The following SHISA6 variants were observed in gnomAD, a reference collection of about 807,000 sequenced individuals.
SHISA6 encodes the protein protein shisa-6.
Under a neutral mutation model 47.9 loss-of-function variants are expected in SHISA6, and 22 were observed. That is an observed-to-expected ratio of 0.46 (90% CI 0.33 to 0.66). SHISA6 has a LOEUF of 0.66. SHISA6 is among the 30% of genes least tolerant of loss of function. SHISA6 has a pLI of 0.02. For synonymous variants in SHISA6, 388 were observed against 337.8 expected (o/e 1.15, Z -1.63); for missense variants, 680 against 764.6 (o/e 0.89, Z 1.30).
rs193155378 is a variant in SHISA6 at position 11,447,095 on chromosome 17, G to T, written c.895+67586G>T. On this transcript the variant is annotated intron_variant, in intron 3 of 5. Transcript: ENST00000441885. ...TTCTTCCAAAGAAGACAGAACCATT[G>T]CTTTTGCCTCAATAACAATGAGCTA... Among the ~76,000 whole-genome samples the T allele has an allele frequency of 2.6e-4, 39 of 152,186 alleles. No individual in the cohort carries two copies. The East Asian group carries it at 7.1e-3, about 28-fold the overall frequency.
At chr17:11,545,625 C>T (rs1391848228) in intron 3 of SHISA6, among the ~76,000 whole-genome samples, 1 of 152,144 alleles carries the variant, frequency 6.6e-6, no homozygotes, top group Admixed American at 6.5e-5. Context: ...ACAATAAAGA[C>T]AACATTTAGC....
chr17:11,457,575 CA>C (rs56253032), intron 3 of SHISA6, among the ~76,000 whole-genome samples: 13,977 of 137,178 alleles, frequency 0.1, 911 homozygotes, highest in African/African-American at 0.19. Flanking sequence ...ACTAAAAATG[CA>C]AAAAAAAAAA....
chr17:11,413,440 G>A (rs1206558529), intron 3 of SHISA6, among the ~76,000 whole-genome samples: 2 of 152,198 alleles, frequency 1.3e-5, no homozygotes, highest in Non-Finnish European at 2.9e-5. Context: ...CCAGAACAGA[G>A]GGAGGACAAT....
chr17:11,328,523 G>A (rs1567574335), intron 2 of SHISA6, among the ~76,000 whole-genome samples: 1 of 152,178 alleles, frequency 6.6e-6, no homozygotes, highest in Non-Finnish European at 1.5e-5. Flanking sequence ...AGAATTAACT[G>A]AGTTAATACA....
chr17:11,522,672 C>T (rs547054124), intron 3 of SHISA6, among the ~76,000 whole-genome samples: 16 of 152,274 alleles, frequency 1.1e-4, no homozygotes, highest in Admixed American at 2.0e-4. Flanking sequence ...CTCTATGTTG[C>T]CCAGGCTGGC....
intron 2 of SHISA6, among the ~76,000 whole-genome samples, chr17:11,282,115 T>C (rs1909139539): frequency 6.6e-6 from 1 of 152,218 alleles, no homozygotes; most frequent in South Asian, 2.1e-4. Flanking sequence ...TTCCTCACTC[T>C]CAATGCCTTT....
intron 3 of SHISA6, among the ~76,000 whole-genome samples, chr17:11,411,252 G>A (rs1457570079): frequency 1.3e-5 from 2 of 152,126 alleles, no homozygotes. Context: ...ACAGGTGTGA[G>A]CCACCGCGCC....
chr17:11,385,194 G>A (rs1014683340), intron 3 of SHISA6, among the ~76,000 whole-genome samples: 1 of 152,152 alleles, frequency 6.6e-6, no homozygotes, highest in Non-Finnish European at 1.5e-5. Context: ...AAAAAGAAGT[G>A]ACATTGAGCA....
intron 2 of SHISA6, among the ~76,000 whole-genome samples, chr17:11,271,142 G>A (rs1908633420): frequency 6.6e-6 from 1 of 152,090 alleles, no homozygotes; most frequent in Non-Finnish European, 1.5e-5. Flanking sequence ...CTATGTGAGG[G>A]GTGAAGGGTG....
chr17:11,379,558 C>T (rs571442641), intron 3 of SHISA6, 49 bp downstream of exon 3: 70 of 1,316,028 alleles, frequency 5.3e-5, no homozygotes, highest in Middle Eastern at 3.6e-4. Flanking sequence ...GCCTAGGGAA[C>T]GCCATCTGAA....
intron 2 of SHISA6, among the ~76,000 whole-genome samples, chr17:11,346,529 T>G (rs927363089): frequency 6.6e-6 from 1 of 152,218 alleles, no homozygotes; most frequent in Admixed American, 6.5e-5. Flanking sequence ...TTGAATCTGT[T>G]TGAGAAAATT....
chr17:11,558,481 T>C lies in SHISA6; in HGVS notation c.*177T>C, dbSNP rs958674023. 2 of 669,500 alleles carry C rather than the reference T, an allele frequency of 3.0e-6. No homozygotes were observed. The highest frequency in any genetic ancestry group is 1.9e-5 in the South Asian group (1 of 52,134). The allele number at this position is 669,500 out of a possible 1,614,324, so 41.5% of individuals were successfully genotyped here. ...CCCCGGGGACACAGCCCCGATGGCC[T>C]GGTCCAATACACTTAGACCCAGGAC... On this transcript the variant is annotated 3_prime_UTR_variant, in exon 6 of 6. Transcript: ENST00000441885.
chr17:11,448,100 G>A (rs1915283745), intron 3 of SHISA6, among the ~76,000 whole-genome samples: 1 of 152,178 alleles, frequency 6.6e-6, no homozygotes, highest in Non-Finnish European at 1.5e-5. Context: ...CTCCCTGGGA[G>A]CTGGGAGCAC....
intron 1 of SHISA6, among the ~76,000 whole-genome samples, chr17:11,245,581 A>G (rs1008414557): frequency 1.3e-5 from 2 of 151,992 alleles, no homozygotes; most frequent in African/African-American, 4.8e-5. Flanking sequence ...TGTCTTGGAG[A>G]TGAGAATCAT....
intron 3 of SHISA6, among the ~76,000 whole-genome samples, chr17:11,499,698 T>TTTTTG (rs199678843): frequency 3.4e-5 from 5 of 146,520 alleles, no homozygotes; most frequent in African/African-American, 1.1e-4. Context: ...TTTTTTTTTT[T>TTTTTG]TTGTTGTTGT....
intron 2 of SHISA6, among the ~76,000 whole-genome samples, chr17:11,292,081 A>G (rs1006218005): frequency 2.0e-5 from 3 of 152,122 alleles, no homozygotes; most frequent in African/African-American, 4.8e-5. Context: ...CCATAATTCA[A>G]TAGATCTCTT....
At chr17:11,395,878 A>C (rs1242293063) in intron 3 of SHISA6, among the ~76,000 whole-genome samples, 1 of 152,170 alleles carries the variant, frequency 6.6e-6, no homozygotes, top group Non-Finnish European at 1.5e-5. Context: ...TAATGCCACT[A>C]GTAAAATGTT....
At chr17:11,282,578 G>T (rs985630103) in intron 2 of SHISA6, among the ~76,000 whole-genome samples, 1 of 152,108 alleles carries the variant, frequency 6.6e-6, no homozygotes, top group Non-Finnish European at 1.5e-5. Context: ...GCCCCAGTGT[G>T]TGGTGTTCCC....
chr17:11,355,600 C>G (rs1358573298), intron 2 of SHISA6, among the ~76,000 whole-genome samples: 2 of 152,200 alleles, frequency 1.3e-5, no homozygotes, highest in Non-Finnish European at 2.9e-5. Flanking sequence ...AACAAAACAA[C>G]TGCCAAAAAT....
Sources: allele counts gnomAD v4.1 joint callset (sites outside exome capture counted in the v4.1 genomes callset), GRCh38; gene constraint gnomAD v4.1.1; transcripts MANE v1.5; gene names NCBI Gene and HGNC (gene_info 2026-07-23, HGNC 2026-07-21).